STARD13: variants seen among roughly 807,000 people sequenced by gnomAD.
The protein encoded by STARD13 is stAR-related lipid transfer protein 13.
Under a neutral mutation model 106.4 loss-of-function variants are expected in STARD13, and 62 were observed. That is an observed-to-expected ratio of 0.58 (90% CI 0.48 to 0.72). STARD13 has a LOEUF of 0.72. STARD13 is among the 30% of genes least tolerant of loss of function. STARD13 has a pLI of 0.00. For missense variants in STARD13, 1,387 were observed against 1,424.0 expected (o/e 0.97, Z 0.42); for synonymous variants, 565 against 553.0 (o/e 1.02, Z -0.31).
At chr13:33,472,721 G>A in the STARD13 span, among the ~76,000 whole-genome samples, 1 of 152,118 alleles carries the variant, frequency 6.6e-6, no homozygotes, top group Non-Finnish European at 1.5e-5. Context: ...CAGCAAAAAT[G>A]CACCCAAGAA....
At position 33,127,649 on chromosome 13, in the gene STARD13, G is replaced by A. The variant is rs556239136; in HGVS notation, c.1749-103C>T. On this transcript the variant is annotated intron_variant, in intron 5 of 13. Transcript: ENST00000336934. ...CACGCAGCTAATCAAGATAGCAGCC[G>A]AGCAAAGAAAATCGCAAAGCAAATG... 5.2e-5 allele frequency: 63 copies of A among 1,215,254 alleles called. No homozygotes were observed. The Admixed American group carries it at 5.7e-4, about 11-fold the overall frequency. 75.3% of individuals were successfully genotyped at this position (1,215,254 alleles called of 1,614,324 possible).
chr13:33,191,785 A>G (rs1375979650), intron 1 of STARD13, among the ~76,000 whole-genome samples: 1 of 152,180 alleles, frequency 6.6e-6, no homozygotes, highest in Non-Finnish European at 1.5e-5. Flanking sequence ...TTCATTTTCA[A>G]TTTTATTCTT....
At chr13:33,280,615 T>C (rs1891727078) in intron 1 of STARD13, 1 of 152,220 alleles carries the variant, frequency 6.6e-6, no homozygotes, top group Non-Finnish European at 1.5e-5. Context: ...ATTATAGTTA[T>C]ACTGACATTT....
At chr13:33,610,807 C>T in the STARD13 span, among the ~76,000 whole-genome samples, 162 of 152,336 alleles carry the variant, frequency 1.1e-3, 1 homozygote, top group African/African-American at 3.6e-3. Context: ...CCCAGCCCAC[C>T]GCGGGCCACT....
At chr13:33,239,548 G>GTTGT (rs1889363803) in intron 1 of STARD13, among the ~76,000 whole-genome samples, 1 of 152,036 alleles carries the variant, frequency 6.6e-6, no homozygotes, top group South Asian at 2.1e-4. Flanking sequence ...TTCTTGTTTT[G>GTTGT]TTGTTTGTTT....
the STARD13 span, among the ~76,000 whole-genome samples, chr13:33,664,783 C>A: frequency 2.0e-5 from 3 of 152,176 alleles, no homozygotes; most frequent in Non-Finnish European, 2.9e-5. Flanking sequence ...CCCGCCACCA[C>A]GCCCGGCTAA....
intron 1 of STARD13, among the ~76,000 whole-genome samples, chr13:33,179,218 G>A (rs797214): frequency 0.98 from 149,627 of 152,322 alleles, 73,508 homozygotes; most frequent in East Asian, 1. Context: ...AATTGAACCA[G>A]ATGGGCACAA....
chr13:33,565,300 TAATC>T, the STARD13 span, among the ~76,000 whole-genome samples: 2 of 147,360 alleles, frequency 1.4e-5, no homozygotes, highest in East Asian at 2.0e-4. Context: ...CAGTTAATAT[TAATC>T]AATTGTACAT....
upstream of STARD13, among the ~76,000 whole-genome samples, chr13:33,353,235 G>A (rs2078096267): frequency 6.6e-6 from 1 of 152,168 alleles, no homozygotes; most frequent in Non-Finnish European, 1.5e-5. Context: ...CTGTGTCCCT[G>A]GGAAGAGAAG....
chr13:33,165,479 T>C, intron 2 of STARD13, 61 bp from the exon 3 acceptor site: 3 of 1,261,966 alleles, frequency 2.4e-6, no homozygotes, highest in Non-Finnish European at 2.3e-6. Context: ...CACCAACATA[T>C]TCAGACCTTC....
chr13:33,439,978 G>A, the STARD13 span, among the ~76,000 whole-genome samples: 1 of 152,128 alleles, frequency 6.6e-6, no homozygotes, highest in African/African-American at 2.4e-5. Flanking sequence ...CTTAAGTAAA[G>A]ATTTATACAA....
chr13:33,154,575 T>C (rs970623662), intron 3 of STARD13, among the ~76,000 whole-genome samples: 6 of 152,178 alleles, frequency 3.9e-5, no homozygotes, highest in African/African-American at 1.4e-4. Context: ...CTCTCTTGGC[T>C]ATTCAATAAA....
At chr13:33,400,032 G>A in the STARD13 span, among the ~76,000 whole-genome samples, 4 of 152,060 alleles carry the variant, frequency 2.6e-5, no homozygotes, top group Non-Finnish European at 5.9e-5. Context: ...AATCAAATTA[G>A]TTTAATACAT....
the STARD13 span, among the ~76,000 whole-genome samples, chr13:33,443,888 C>CAAAAA: frequency 2.0e-4 from 10 of 50,166 alleles, no homozygotes; most frequent in Non-Finnish European, 2.7e-4. Flanking sequence ...GACTCAGTCT[C>CAAAAA]AAAAAAAAAA....
the STARD13 span, among the ~76,000 whole-genome samples, chr13:33,628,712 G>A: frequency 6.6e-6 from 1 of 152,182 alleles, no homozygotes; most frequent in East Asian, 1.9e-4. Context: ...TGACTGACGT[G>A]GCTGAGCATT....
chr13:33,331,149 A>T (rs2077831329), intron 1 of STARD13, among the ~76,000 whole-genome samples: 1 of 152,072 alleles, frequency 6.6e-6, no homozygotes, highest in Non-Finnish European at 1.5e-5. Flanking sequence ...TCTTCTCTTC[A>T]CTGGCTCTTT....
chr13:33,253,720 G>A (rs769649436), intron 1 of STARD13, among the ~76,000 whole-genome samples: 44 of 152,002 alleles, frequency 2.9e-4, no homozygotes, highest in African/African-American at 8.9e-4. Flanking sequence ...AATGTATGGC[G>A]TTGATTCTAC....
chr13:33,191,744 C>G (rs565385644), intron 1 of STARD13, among the ~76,000 whole-genome samples: 2 of 152,350 alleles, frequency 1.3e-5, no homozygotes, highest in East Asian at 3.9e-4. Flanking sequence ...TCAGCAATGT[C>G]TTTGTCCCTG....
the STARD13 span, among the ~76,000 whole-genome samples, chr13:33,601,848 C>T: frequency 6.6e-6 from 1 of 152,168 alleles, no homozygotes; most frequent in Non-Finnish European, 1.5e-5. Context: ...GTAGTGGGCC[C>T]AAAACTGTTG....
Sources: gnomAD v4.1 joint callset for allele counts (sites outside exome capture counted in the v4.1 genomes callset) on GRCh38, gnomAD v4.1.1 for gene constraint, MANE v1.5 for transcripts, NCBI Gene and HGNC (gene_info 2026-07-23, HGNC 2026-07-21) for gene names.